Variants in PCDH15 observed in about 807,000 individuals in gnomAD.
PCDH15 encodes the protein protocadherin-15.
A neutral mutation model predicts 178.5 loss-of-function variants in PCDH15; 129 were observed. The ratio of observed to expected loss-of-function variants is 0.72; its 90% CI spans 0.63 to 0.84. PCDH15 has a LOEUF of 0.84. Ranked by LOEUF, PCDH15 falls within the 40% of genes least tolerant of loss-of-function variation. The pLI, the probability that PCDH15 is intolerant of heterozygous loss-of-function variation, is 0.00. For missense variants in PCDH15, 2,230 were observed against 2,099.9 expected (o/e 1.06, Z -1.21); for synonymous variants, 800 against 732.0 (o/e 1.09, Z -1.50).
intron 21 of PCDH15, among the ~76,000 whole-genome samples, chr10:53,986,560 G>T (rs1289720716): frequency 6.6e-6 from 1 of 152,316 alleles, no homozygotes; most frequent in African/African-American, 2.4e-5. Flanking sequence ...GAGTATCCAA[G>T]ATGTGGAAAC....
At chr10:55,535,727 G>C (rs1253790662) in intron 2 of PCDH15, among the ~76,000 whole-genome samples, 2 of 152,024 alleles carry the variant, frequency 1.3e-5, no homozygotes, top group East Asian at 3.9e-4. Context: ...TATGGCCAGA[G>C]TGACAATGAA....
intron 6 of PCDH15, among the ~76,000 whole-genome samples, chr10:54,337,093 T>C (rs755978293): frequency 9.0e-5 from 13 of 145,108 alleles, no homozygotes; most frequent in Non-Finnish European, 1.5e-4. Context: ...TTTTTGCCAA[T>C]TTCTCTCATT....
intron 2 of PCDH15, among the ~76,000 whole-genome samples, chr10:54,550,025 A>G (rs1359873274): frequency 6.6e-6 from 1 of 152,072 alleles, no homozygotes. Context: ...AACTCTTAAA[A>G]TCTTAAAATA....
At chr10:54,314,659 T>C (rs1199530655) in intron 8 of PCDH15, among the ~76,000 whole-genome samples, 1 of 152,086 alleles carries the variant, frequency 6.6e-6, no homozygotes, top group Non-Finnish European at 1.5e-5. Flanking sequence ...TACCCAATAG[T>C]CATCTTTTCT....
At chr10:54,492,722 A>G (rs1265380684) in intron 3 of PCDH15, among the ~76,000 whole-genome samples, 1 of 152,172 alleles carries the variant, frequency 6.6e-6, no homozygotes, top group African/African-American at 2.4e-5. Context: ...CTACATTCAC[A>G]TAACTTTTAT....
chr10:54,982,447 G>C (rs992116089), intron 2 of PCDH15, among the ~76,000 whole-genome samples: 12 of 152,120 alleles, frequency 7.9e-5, no homozygotes, highest in African/African-American at 2.9e-4. Context: ...TTATTCACTT[G>C]AGATAAAACT....
intron 2 of PCDH15, among the ~76,000 whole-genome samples, chr10:55,460,658 C>T (rs560064566): frequency 6.6e-6 from 1 of 152,140 alleles, no homozygotes; most frequent in East Asian, 1.9e-4. Context: ...TCTTCCAATT[C>T]TGTTTCAGCA....
At chr10:54,402,083 G>A (rs1285238722) in intron 3 of PCDH15, among the ~76,000 whole-genome samples, 2 of 151,758 alleles carry the variant, frequency 1.3e-5, no homozygotes, top group Non-Finnish European at 2.9e-5. Flanking sequence ...TGCATGGTTG[G>A]TTTAATGTAT....
rs557147711 is a variant in PCDH15, at chr10:54,214,331, T to G, written c.986-283A>C. On this transcript the variant is annotated intron_variant, in intron 9 of 37. Transcript: ENST00000644397. The stretch of plus-strand genomic sequence containing the variant: ...ATCTTCATCACATGAAAATAGACAT[T>G]AAGTGGAGGGAGAGTAAATTTTTTA... Among the ~76,000 whole-genome samples, 13 of 152,242 alleles carry G rather than the reference T, an allele frequency of 8.5e-5. No homozygotes were observed. In the South Asian group the frequency reaches 1.0e-3, roughly 12 times the overall value.
At chr10:54,300,529 C>A (rs2133251655) in intron 8 of PCDH15, among the ~76,000 whole-genome samples, 1 of 152,160 alleles carries the variant, frequency 6.6e-6, no homozygotes, top group East Asian at 1.9e-4. Context: ...CTGCAGGGCC[C>A]CTTCTTCGCC....
At chr10:54,898,925 G>A (rs957792287) in intron 2 of PCDH15, among the ~76,000 whole-genome samples, 1 of 152,258 alleles carries the variant, frequency 6.6e-6, no homozygotes, top group Non-Finnish European at 1.5e-5. Flanking sequence ...GGTACAATAA[G>A]AGACAAAGGT....
Position 55,462,673 on chromosome 10 carries a change from C to A in PCDH15, c.-156+164952G>T, listed in dbSNP as rs1017184227. On this transcript the variant is annotated intron_variant, in intron 2 of 5. Coordinates refer to the PCDH15 transcript ENST00000613346. ...CTATTTAGTCTTAACTCCAGCATTACTTTTTTTCAATTGGGTCAAACTTAA... is the reference window on the plus strand; with the variant it reads ...CTATTTAGTCTTAACTCCAGCATTAATTTTTTTCAATTGGGTCAAACTTAA... Among the ~76,000 whole-genome samples the A allele has an allele frequency of 2.6e-5, 4 of 152,170 alleles. No individual in the cohort carries two copies. In the East Asian group the frequency reaches 5.8e-4, roughly 22 times the overall value.
At chr10:54,049,135 G>A (rs954252166) in intron 18 of PCDH15, among the ~76,000 whole-genome samples, 4 of 151,972 alleles carry the variant, frequency 2.6e-5, no homozygotes, top group African/African-American at 9.7e-5. Flanking sequence ...TGTGACTATT[G>A]TAAATGTAAT....
intron 1 of PCDH15, among the ~76,000 whole-genome samples, chr10:55,175,483 T>A (rs901708377): frequency 3.3e-5 from 5 of 151,796 alleles, no homozygotes; most frequent in African/African-American, 4.8e-5. Flanking sequence ...ACCAACATGC[T>A]GAAACTCCGT....
chr10:55,152,974 A>G (rs1043473253), intron 2 of PCDH15, among the ~76,000 whole-genome samples: 1 of 151,994 alleles, frequency 6.6e-6, no homozygotes, highest in African/African-American at 2.4e-5. Context: ...TAATGTAGGT[A>G]TAGGTAACTT....
At chr10:54,891,608 C>T (rs992414448) in intron 3 of PCDH15, among the ~76,000 whole-genome samples, 1 of 152,056 alleles carries the variant, frequency 6.6e-6, no homozygotes, top group Non-Finnish European at 1.5e-5. Flanking sequence ...CCTTCACATG[C>T]CTTTGAGAAT....
At chr10:55,127,263 G>A (rs1253114110) in intron 2 of PCDH15, among the ~76,000 whole-genome samples, 1 of 152,072 alleles carries the variant, frequency 6.6e-6, no homozygotes, top group African/African-American at 2.4e-5. Context: ...TCATGGCTCA[G>A]ATTAACCACT....
intron 2 of PCDH15, among the ~76,000 whole-genome samples, chr10:55,092,050 T>C (rs981324594): frequency 2.6e-5 from 4 of 151,890 alleles, no homozygotes; most frequent in African/African-American, 9.7e-5. Flanking sequence ...TATTCTAATA[T>C]GGCTCATAAG....
Position 54,840,007 on chromosome 10 carries a change from A to C in PCDH15, c.-29+57443T>G, listed in dbSNP as rs199652349. 5.3e-5 allele frequency among the ~76,000 whole-genome samples: 8 copies of C among 152,196 alleles called. No homozygotes were observed. The East Asian group carries it at 1.5e-3, about 29-fold the overall frequency. Reference sequence around the variant, plus strand: ...AAAAAACACACATGAACACACACACAATTAAAGGAGTTTATTACTATTGTA... The same window carrying C: ...AAAAAACACACATGAACACACACACCATTAAAGGAGTTTATTACTATTGTA... On this transcript the variant is annotated intron_variant, in intron 3 of 5. Transcript: ENST00000458638.
Sources: allele counts gnomAD v4.1 joint callset (sites outside exome capture counted in the v4.1 genomes callset), GRCh38; gene constraint gnomAD v4.1.1; transcripts MANE v1.5; gene names NCBI Gene and HGNC (gene_info 2026-07-23, HGNC 2026-07-21).